Variants in PTPRN2 observed in about 807,000 individuals in gnomAD.
PTPRN2 encodes the protein receptor-type tyrosine-protein phosphatase N2.
PTPRN2 carries 74 observed loss-of-function variants against 118.8 expected under a neutral mutation model. The observed-to-expected ratio is 0.62, with a 90% CI of 0.52 to 0.76. The LOEUF is 0.76. Among genes scored for constraint, PTPRN2 ranks in the 30% least tolerant of loss-of-function variants. The pLI is 0.00. For synonymous variants in PTPRN2, 641 were observed against 608.0 expected (o/e 1.05, Z -0.80); for missense variants, 1,481 against 1,394.4 (o/e 1.06, Z -0.99).
At chr7:157,685,995 A>C (rs1479565152) in intron 12 of PTPRN2, among the ~76,000 whole-genome samples, 1 of 152,094 alleles carries the variant, frequency 6.6e-6, no homozygotes, top group African/African-American at 2.4e-5. Context: ...AGGCCGGGGG[A>C]GGCCCGGAGG....
chr7:158,189,703 C>T (rs750998234), intron 5 of PTPRN2, among the ~76,000 whole-genome samples: 2 of 152,256 alleles, frequency 1.3e-5, no homozygotes, highest in Admixed American at 6.5e-5. Context: ...CTGGACTGCA[C>T]GTGGGTTACT....
chr7:158,082,597 G>A (rs1456671099), intron 10 of PTPRN2, among the ~76,000 whole-genome samples: 1 of 152,204 alleles, frequency 6.6e-6, no homozygotes, highest in East Asian at 1.9e-4. Flanking sequence ...ACTCAACAAG[G>A]TCTCCCTTGA....
intron 12 of PTPRN2, among the ~76,000 whole-genome samples, chr7:157,772,351 A>G (rs1802926604): frequency 6.6e-6 from 1 of 151,852 alleles, no homozygotes; most frequent in African/African-American, 2.4e-5. Flanking sequence ...ACATACACAC[A>G]CACACATACA....
chr7:158,492,823 A>C (rs2129445629), intron 1 of PTPRN2, among the ~76,000 whole-genome samples: 1 of 152,374 alleles, frequency 6.6e-6, no homozygotes, highest in East Asian at 1.9e-4. Context: ...GGTTCAACCC[A>C]GCCCAGGCGC....
intron 1 of PTPRN2, among the ~76,000 whole-genome samples, chr7:158,567,619 G>A (rs912837453): frequency 6.6e-6 from 1 of 152,204 alleles, no homozygotes; most frequent in Non-Finnish European, 1.5e-5. Context: ...AAACACAGGG[G>A]AAAGCTGTCT....
chr7:157,739,842 GCCTGAGCT>G (rs1436675135), intron 12 of PTPRN2, among the ~76,000 whole-genome samples: 3 of 152,218 alleles, frequency 2.0e-5, no homozygotes, highest in East Asian at 3.9e-4. Flanking sequence ...CCGCAAGGAG[GCCTGAGCT>G]CCTGGGCCGC....
At chr7:158,078,069 G>A (rs544118623) in intron 11 of PTPRN2, among the ~76,000 whole-genome samples, 9 of 152,266 alleles carry the variant, frequency 5.9e-5, no homozygotes, top group Non-Finnish European at 1.0e-4. Flanking sequence ...CATTGCCTAC[G>A]ATAAAGAGGA....
chr7:157,847,768 G>A (rs1208912367), intron 12 of PTPRN2, among the ~76,000 whole-genome samples: 1 of 133,972 alleles, frequency 7.5e-6, no homozygotes, highest in African/African-American at 2.9e-5. Context: ...ATGCGTGCCC[G>A]ATGTCTACAG....
intron 12 of PTPRN2, among the ~76,000 whole-genome samples, chr7:157,766,615 G>C (rs1802505201): frequency 6.6e-6 from 1 of 152,210 alleles, no homozygotes; most frequent in Non-Finnish European, 1.5e-5. Flanking sequence ...TGGATGACTT[G>C]GGTGTTCCTC....
intron 2 of PTPRN2, among the ~76,000 whole-genome samples, chr7:158,326,803 T>C (rs1247654494): frequency 7.2e-6 from 1 of 138,462 alleles, no homozygotes; most frequent in Admixed American, 7.4e-5. Context: ...ACATGCACAT[T>C]CTCACACATG....
intron 2 of PTPRN2, among the ~76,000 whole-genome samples, chr7:158,388,328 C>A (rs532203079): frequency 3.9e-5 from 6 of 152,330 alleles, no homozygotes; most frequent in South Asian, 2.1e-4. Context: ...ACCACCCCCC[C>A]ATGAGGGCCA....
intron 2 of PTPRN2, among the ~76,000 whole-genome samples, chr7:158,334,565 CTCT>C (rs1805208453): frequency 1.0e-5 from 1 of 96,996 alleles, no homozygotes; most frequent in African/African-American, 3.7e-5. Flanking sequence ...ACCATAAGAG[CTCT>C]CGCCCACAGA....
chr7:157,869,180 T>C lies in PTPRN2; in HGVS notation c.1788+29493A>G, dbSNP rs1016076028. 3 of 152,202 alleles carry C rather than the reference T, an allele frequency of 2.0e-5. No homozygotes were observed. The highest frequency in any genetic ancestry group is 4.4e-5 in the Non-Finnish European group (3 of 68,030). The allele number at this position is 152,202 out of a possible 1,614,324, so 9.4% of individuals were successfully genotyped here. A position where few individuals can be genotyped will look rare whatever the true frequency, so the allele number is the denominator to read the frequency against. Reference sequence around the variant, plus strand: ...CAAATCTTTCCTGATACCTCAACTTTGCCAGGGTCCTAAGCGTGTGCTTAG... The same window carrying C: ...CAAATCTTTCCTGATACCTCAACTTCGCCAGGGTCCTAAGCGTGTGCTTAG... On this transcript the variant is annotated intron_variant, in intron 12 of 22. Transcript: ENST00000389418. This position sits in a 1 kb window ranked among gnomAD's most constrained non-coding sequence, Gnocchi z 4.2.
At chr7:158,166,813 C>G in intron 6 of PTPRN2, 118 bp downstream of exon 6, 1 of 1,273,328 alleles carries the variant, frequency 7.9e-7, no homozygotes, top group East Asian at 2.8e-5. Context: ...GCCACGCGTC[C>G]TCGGGGGAGT....
chr7:158,378,660 T>C (rs1017288581), intron 2 of PTPRN2, among the ~76,000 whole-genome samples: 18 of 151,834 alleles, frequency 1.2e-4, no homozygotes, highest in Admixed American at 3.3e-4. Flanking sequence ...CTCCTGGGCT[T>C]TGGAGTCCAG....
chr7:158,301,774 C>A (rs1400465402), intron 3 of PTPRN2, among the ~76,000 whole-genome samples: 1 of 152,088 alleles, frequency 6.6e-6, no homozygotes, highest in Non-Finnish European at 1.5e-5. Flanking sequence ...CATGGCAAAA[C>A]CCCATCTCTG....
chr7:158,110,971 A>C (rs1250944744), intron 9 of PTPRN2, 56 bp from the exon 10 acceptor site: 7 of 1,454,292 alleles, frequency 4.8e-6, no homozygotes, highest in Non-Finnish European at 6.5e-6. Flanking sequence ...AGTCCTGGAG[A>C]ACTAAAGCCC....
rs1375138620 is a variant in PTPRN2 at position 158,570,868 on chromosome 7, A to C, written c.112+16690T>G. On this transcript the variant is annotated intron_variant, in intron 1 of 22. Coordinates refer to ENST00000389418, the MANE Select transcript of PTPRN2 (RefSeq NM_002847.5). The surrounding 1 kb of genome is among the most constrained non-coding windows in gnomAD (Gnocchi z 4.5). ...ATCCATAAAAGCCCGACATTGTGGA[A>C]AGACACAAACGTGCATGGACCTGGT... Among the ~76,000 whole-genome samples, 1 of 152,194 alleles carries C rather than the reference A, an allele frequency of 6.6e-6. No homozygotes were observed. The highest frequency in any genetic ancestry group is 1.5e-5 in the Non-Finnish European group (1 of 68,034).
chr7:157,753,623 C>T (rs372609588), intron 12 of PTPRN2, among the ~76,000 whole-genome samples: 4 of 151,412 alleles, frequency 2.6e-5, no homozygotes, highest in Admixed American at 6.6e-5. Flanking sequence ...TTCTCTACCA[C>T]GTGCCAGGCC....
Sources: gnomAD v4.1 joint callset for allele counts (sites outside exome capture counted in the v4.1 genomes callset) on GRCh38, gnomAD v4.1.1 for gene constraint, Gnocchi (gnomAD v3.1) non-coding constraint, MANE v1.5 for transcripts, NCBI Gene and HGNC (gene_info 2026-07-23, HGNC 2026-07-21) for gene names.